The following TFEC variants were observed in gnomAD, a reference collection of about 807,000 sequenced individuals.
TFEC encodes class E basic helix-loop-helix protein 34.
Under a neutral mutation model 41.6 loss-of-function variants are expected in TFEC, and 31 were observed. That is an observed-to-expected ratio of 0.74 (90% CI 0.56 to 1.01). The LOEUF (loss-of-function observed/expected upper bound fraction) is 1.01. Ranked by LOEUF, TFEC falls within the 50% of genes least tolerant of loss-of-function variation. TFEC has a pLI of 0.00. For synonymous variants in TFEC, 143 were observed against 140.6 expected, an observed-to-expected ratio of 1.02 and a Z score of -0.12; for missense variants, 402 against 404.1, an observed-to-expected ratio of 0.99 and a Z score of 0.04.
At chr7:115,954,772 T>G in intron 4 of TFEC, 130 bp from the exon 5 acceptor site, 1 of 671,900 alleles carries the variant, frequency 1.5e-6, no homozygotes, top group Non-Finnish European at 2.4e-6. Flanking sequence ...ATATTTTTGA[T>G]GCAAATATTC....
intron 3 of TFEC, among the ~76,000 whole-genome samples, chr7:116,061,765 C>G (rs1796562239): frequency 6.6e-6 from 1 of 151,910 alleles, no homozygotes; most frequent in African/African-American, 2.4e-5. Context: ...ACAAACAGCC[C>G]AATAAGAAAG....
In TFEC at chr7:116,112,090, T is replaced by C. The variant is rs1019387212; in HGVS notation, c.-68-52A>G. The C allele has an allele frequency of 6.9e-6, 6 of 870,024 alleles. No individual in the cohort carries two copies. The South Asian group carries it at 1.6e-4, about 23-fold the overall frequency. 53.9% of individuals were successfully genotyped at this position (870,024 alleles called of 1,614,324 possible). A position where few individuals can be genotyped will look rare whatever the true frequency, so the allele number is the denominator to read the frequency against. On this transcript the variant is annotated intron_variant, in intron 1 of 8. Transcript: ENST00000484212. ...TACTGTTTTTTAACTTTAATAATACTGTTCTTATTTGATTCATACGTTGTA... is the reference window on the plus strand; with the variant it reads ...TACTGTTTTTTAACTTTAATAATACCGTTCTTATTTGATTCATACGTTGTA...
chr7:116,112,698 G>A (rs920400696), intron 1 of TFEC, among the ~76,000 whole-genome samples: 6 of 151,806 alleles, frequency 4.0e-5, no homozygotes, highest in Non-Finnish European at 7.4e-5. Context: ...AGAACCACAC[G>A]GCTCTAAATT....
chr7:116,107,164 A>G (rs539246559), intron 3 of TFEC, among the ~76,000 whole-genome samples: 2 of 152,318 alleles, frequency 1.3e-5, no homozygotes, highest in South Asian at 4.1e-4. Context: ...CAGAGGCATC[A>G]TAATGACCTG....
In TFEC at chr7:116,039,742, G is replaced by GT. The variant is rs199835743; in HGVS notation, c.199-55230dup. 4.1e-3 allele frequency among the ~76,000 whole-genome samples: 619 copies of GT among 151,906 alleles called. 6 individuals carry two copies. Among genetic ancestry groups the GT allele is most frequent in the African/African-American group, 0.014 (587 of 41,468 alleles). ...AATATTTTTACATTTCCTATTTTGA[G>GT]TTTTTTTATTCCTTTGGTGGTTAAA... On this transcript the variant is annotated intron_variant, in intron 3 of 8. Transcript: ENST00000484212.
intron 2 of TFEC, among the ~76,000 whole-genome samples, chr7:116,111,468 G>A (rs557623180): frequency 6.6e-6 from 1 of 152,170 alleles, no homozygotes; most frequent in South Asian, 2.1e-4. Context: ...CTCCCCGGAT[G>A]AAAGTTGTAT....
chr7:115,974,547 C>A (rs1175912358), intron 2 of TFEC, among the ~76,000 whole-genome samples: 1 of 148,384 alleles, frequency 6.7e-6, no homozygotes, highest in Non-Finnish European at 1.5e-5. Flanking sequence ...TGACAGGTGA[C>A]AACTTGACAA....
chr7:115,996,099 T>C (rs541460820), intron 1 of TFEC, among the ~76,000 whole-genome samples: 4 of 152,280 alleles, frequency 2.6e-5, no homozygotes, highest in South Asian at 4.1e-4. Flanking sequence ...AGATATCAGC[T>C]GGGGTGGCAA....
chr7:116,008,987 C>G (rs1447615629), intron 1 of TFEC, among the ~76,000 whole-genome samples: 1 of 152,114 alleles, frequency 6.6e-6, no homozygotes, highest in African/African-American at 2.4e-5. Flanking sequence ...ACTTAAAAGA[C>G]TAAAAAGACA....
Position 115,940,459 on chromosome 7 carries a change from A to T in TFEC, c.*92T>A, listed in dbSNP as rs1584541137. On this transcript the variant is annotated 3_prime_UTR_variant, in exon 8 of 8. Coordinates refer to ENST00000265440, the MANE Select transcript of TFEC (RefSeq NM_012252.4). ...ACAACACATTCCTTTAAGAAAAAAA[A>T]TAAGCCAAAGCAACATATGAAACAC... is the stretch of plus-strand genomic sequence containing the variant. 5.8e-6 allele frequency: 8 copies of T among 1,388,578 alleles called. No individual in the cohort carries two copies. Among genetic ancestry groups the T allele is most frequent in the Non-Finnish European group, 7.7e-6 (8 of 1,041,644 alleles). The allele number at this position is 1,388,578 out of a possible 1,614,324, so 86.0% of individuals were successfully genotyped here. A position where few individuals can be genotyped will look rare whatever the true frequency, so the allele number is the denominator to read the frequency against.
chr7:116,076,094 C>T (rs1266075579), intron 3 of TFEC, among the ~76,000 whole-genome samples: 1 of 152,324 alleles, frequency 6.6e-6, no homozygotes, highest in East Asian at 1.9e-4. Context: ...GGTCACATCA[C>T]AGGACTCTTT....
exon 3 of TFEC, chr7:116,110,740 T>A: frequency 6.5e-7 from 1 of 1,527,634 alleles, no homozygotes; most frequent in Non-Finnish European, 8.8e-7. Context: ...CTTGAATAAA[T>A]TTGTGGTCTT....
intron 1 of TFEC, among the ~76,000 whole-genome samples, chr7:116,018,722 T>G (rs956247381): frequency 6.6e-6 from 1 of 152,120 alleles, no homozygotes; most frequent in African/African-American, 2.4e-5. Flanking sequence ...GGAGAAATGA[T>G]GAAGTATGAG....
intron 3 of TFEC, among the ~76,000 whole-genome samples, chr7:116,092,860 A>T (rs1423775897): frequency 1.3e-5 from 2 of 152,172 alleles, no homozygotes; most frequent in Non-Finnish European, 2.9e-5. Context: ...CTATGTCCAG[A>T]AAATATACTA....
At chr7:116,110,206 C>T (rs765104533) in intron 3 of TFEC, among the ~76,000 whole-genome samples, 4 of 152,080 alleles carry the variant, frequency 2.6e-5, no homozygotes, top group Non-Finnish European at 5.9e-5. Flanking sequence ...GCACATGTAC[C>T]CTAGAACCTA....
intron 2 of TFEC, among the ~76,000 whole-genome samples, chr7:115,981,248 C>G (rs1364820277): frequency 6.6e-6 from 1 of 152,062 alleles, no homozygotes; most frequent in Non-Finnish European, 1.5e-5. Context: ...AAAAAATTAT[C>G]TTCCGTCATC....
At chr7:115,947,588 C>A (rs1251808181) in intron 6 of TFEC, among the ~76,000 whole-genome samples, 1 of 151,350 alleles carries the variant, frequency 6.6e-6, no homozygotes. Context: ...CCTGTTGTTT[C>A]CTGACTTTTT....
At chr7:115,941,413 CTG>C (rs1793490624) in intron 7 of TFEC, 1 of 163,864 alleles carries the variant, frequency 6.1e-6, no homozygotes, top group African/African-American at 2.4e-5. Flanking sequence ...TTAATATACA[CTG>C]TCACAACATG....
chr7:116,129,878 C>G (rs1027962759), intron 1 of TFEC, among the ~76,000 whole-genome samples: 6 of 151,980 alleles, frequency 3.9e-5, no homozygotes, highest in African/African-American at 1.5e-4. Flanking sequence ...ATGCCTTTTT[C>G]TGATGTACAT....
Sources: allele counts gnomAD v4.1 joint callset (sites outside exome capture counted in the v4.1 genomes callset), GRCh38; gene constraint gnomAD v4.1.1; transcripts MANE v1.5; gene names NCBI Gene and HGNC (gene_info 2026-07-23, HGNC 2026-07-21).